The following TDRD9 variants were observed in gnomAD, a reference collection of about 807,000 sequenced individuals.
TDRD9 encodes tudor domain containing 9, also known as ATP-dependent RNA helicase TDRD9.
A neutral mutation model predicts 172.6 loss-of-function variants in TDRD9; 124 were observed. That is an observed-to-expected ratio of 0.72 (90% CI 0.62 to 0.83). The LOEUF (loss-of-function observed/expected upper bound fraction) is 0.83, where lower values mean the gene tolerates loss of function less well. Among genes scored for constraint, TDRD9 ranks in the 40% least tolerant of loss-of-function variants. The pLI, the probability that TDRD9 is intolerant of heterozygous loss-of-function variation, is 0.00. For synonymous variants in TDRD9, 619 were observed against 617.1 expected (o/e 1.00, Z -0.05); for missense variants, 1,479 against 1,714.1 (o/e 0.86, Z 2.42).
chr14:103,961,033 C>T (rs1319268016), intron 2 of TDRD9, among the ~76,000 whole-genome samples: 2 of 152,160 alleles, frequency 1.3e-5, no homozygotes, highest in Non-Finnish European at 2.9e-5. Context: ...ACTTGCCTCT[C>T]CCTTTGTCTG....
intron 32 of TDRD9, 30 bp downstream of exon 32, chr14:104,035,086 T>G: frequency 6.5e-7 from 1 of 1,530,842 alleles, no homozygotes; most frequent in South Asian, 1.2e-5. Flanking sequence ...CTATAGGCTT[T>G]GTAAAATAAG....
chr14:104,041,069 CA>C (rs536375383), intron 33 of TDRD9, among the ~76,000 whole-genome samples: 144 of 152,306 alleles, frequency 9.5e-4, no homozygotes, highest in Middle Eastern at 3.4e-3. Context: ...TTAGAAGTTC[CA>C]TGAGACGGGT....
At chr14:104,049,933 A>G (rs757900796) in intron 35 of TDRD9, 36 of 445,852 alleles carry the variant, frequency 8.1e-5, no homozygotes, top group Non-Finnish European at 1.3e-4. Context: ...AGTTGGGAAA[A>G]AAAGGTATGA....
At chr14:103,981,374 C>T (rs10144271) in intron 7 of TDRD9, among the ~76,000 whole-genome samples, 7,334 of 152,302 alleles carry the variant, frequency 0.048, 336 homozygotes, top group Admixed American at 0.16. Context: ...GGCCTTGCCA[C>T]TTGCTGTCTG....
At position 103,975,526 on chromosome 14, in the gene TDRD9, T is replaced by C; in HGVS notation, c.984T>C (p.Asn328=). 6.2e-7 allele frequency: 1 copy of C among 1,611,098 alleles called. No individual in the cohort carries two copies. Among genetic ancestry groups the C allele is most frequent in the Non-Finnish European group, 8.5e-7 (1 of 1,178,480 alleles). Residue 328 remains asparagine (N), a synonymous_variant, in exon 7 of 36, where the codon AAT becomes AAC. Coordinates refer to ENST00000409874, the MANE Select transcript of TDRD9 (RefSeq NM_153046.3). ...KPHSVEEYYL[N]DLEHIHHSKL... is the part of the protein sequence containing the mutation. ...ATTCAGTTGAAGAGTATTATCTTAATGATTTGGAGCACATTCATCATAGCA... is the reference window on the plus strand; with the variant it reads ...ATTCAGTTGAAGAGTATTATCTTAACGATTTGGAGCACATTCATCATAGCA...
chr14:103,939,585 G>A (rs1001488201), intron 1 of TDRD9, among the ~76,000 whole-genome samples: 1 of 148,856 alleles, frequency 6.7e-6, no homozygotes, highest in Non-Finnish European at 1.5e-5. Flanking sequence ...CAGGTGGGTT[G>A]CATTACGTGA....
chr14:103,964,504 AT>A (rs745734898), intron 3 of TDRD9, among the ~76,000 whole-genome samples: 4 of 151,732 alleles, frequency 2.6e-5, no homozygotes, highest in East Asian at 3.9e-4. Context: ...ACTAGTTACT[AT>A]TTTTTTTGTT....
At chr14:103,934,098 C>T (rs966521603) in intron 1 of TDRD9, among the ~76,000 whole-genome samples, 2 of 151,984 alleles carry the variant, frequency 1.3e-5, no homozygotes, top group African/African-American at 4.8e-5. Context: ...CTCGCTGCAG[C>T]CTTGAACTCC....
chr14:104,038,206 G>C (rs1403778353), intron 32 of TDRD9, among the ~76,000 whole-genome samples: 1 of 152,040 alleles, frequency 6.6e-6, no homozygotes, highest in African/African-American at 2.4e-5. Flanking sequence ...ATGAGAGGGT[G>C]GGGGGATCTT....
chr14:103,984,826 G>C (rs901329205), intron 7 of TDRD9, among the ~76,000 whole-genome samples: 1 of 152,162 alleles, frequency 6.6e-6, no homozygotes, highest in African/African-American at 2.4e-5. Context: ...TTCAATGCCA[G>C]CCCATGAAAG....
chr14:103,963,738 C>G (rs2032613685), intron 3 of TDRD9, among the ~76,000 whole-genome samples: 1 of 152,170 alleles, frequency 6.6e-6, no homozygotes, highest in African/African-American at 2.4e-5. Flanking sequence ...CCTTTATTAA[C>G]TGGAAGAAGG....
At chr14:104,041,313 G>C (rs1308822183) in intron 33 of TDRD9, among the ~76,000 whole-genome samples, 1 of 152,188 alleles carries the variant, frequency 6.6e-6, no homozygotes, top group Non-Finnish European at 1.5e-5. Flanking sequence ...GTGACTTTGG[G>C]TGTGGCATGA....
chr14:104,009,243 A>T (rs2034536402), intron 20 of TDRD9, among the ~76,000 whole-genome samples: 1 of 152,202 alleles, frequency 6.6e-6, no homozygotes, highest in Admixed American at 6.5e-5. Flanking sequence ...TGGTTATAAA[A>T]CAGGGTTTCC....
chr14:103,981,036 C>T lies in TDRD9; in HGVS notation c.1012-5181C>T, dbSNP rs112932274. Reference sequence around the variant, plus strand: ...ACATAATCATATCTAAGATCTATATCTAGTATAACTATTCTTATTTTATAT... The same window carrying T: ...ACATAATCATATCTAAGATCTATATTTAGTATAACTATTCTTATTTTATAT... On this transcript the variant is annotated intron_variant, in intron 7 of 35. Transcript: ENST00000409874. Among the ~76,000 whole-genome samples the T allele has an allele frequency of 2.5e-3, 388 of 152,264 alleles. 3 individuals carry two copies. Among genetic ancestry groups the T allele is most frequent in the African/African-American group, 9.1e-3 (378 of 41,544 alleles).
chr14:104,025,593 C>T lies in TDRD9; in HGVS notation c.2748C>T (p.Tyr916=), dbSNP rs1388822813. The T allele has an allele frequency of 1.2e-6, 2 of 1,613,956 alleles. No individual in the cohort carries two copies. The highest frequency in any genetic ancestry group is 1.1e-5 in the South Asian group (1 of 91,086). ...EVVEVGHFWG[Y]RIDENNSEIL... is the part of the protein sequence containing the mutation. ...TTGAAGTGGGACACTTTTGGGGATACAGGATTGATGAAAACAACTCAGAGA... is the reference window on the plus strand; with the variant it reads ...TTGAAGTGGGACACTTTTGGGGATATAGGATTGATGAAAACAACTCAGAGA... The change falls in exon 26 of 36, where the codon TAC becomes TAT. Residue 916 remains tyrosine, a synonymous_variant. Coordinates refer to ENST00000409874, the MANE Select transcript of TDRD9 (RefSeq NM_153046.3).
At chr14:104,045,297 A>G (rs1265624838) in intron 34 of TDRD9, among the ~76,000 whole-genome samples, 2 of 151,798 alleles carry the variant, frequency 1.3e-5, no homozygotes, top group East Asian at 1.9e-4. Flanking sequence ...TCTGGTGAGT[A>G]TGGTAGTATC....
chr14:103,972,773 T>C (rs2033087258), intron 6 of TDRD9, among the ~76,000 whole-genome samples: 1 of 152,254 alleles, frequency 6.6e-6, no homozygotes, highest in South Asian at 2.1e-4. Context: ...TGGGGAAGCT[T>C]CTGCCTTAGG....
intron 1 of TDRD9, among the ~76,000 whole-genome samples, chr14:103,942,706 C>G (rs564736586): frequency 6.6e-6 from 1 of 152,274 alleles, no homozygotes; most frequent in Admixed American, 6.5e-5. Context: ...ATAGATTAGA[C>G]TTGACTATTT....
intron 5 of TDRD9, among the ~76,000 whole-genome samples, chr14:103,969,497 G>A (rs1318504757): frequency 1.3e-5 from 2 of 152,182 alleles, no homozygotes; most frequent in East Asian, 3.8e-4. Flanking sequence ...TTATGATGAT[G>A]TTAAATACCT....
Sources: allele counts gnomAD v4.1 joint callset (sites outside exome capture counted in the v4.1 genomes callset), GRCh38; gene constraint gnomAD v4.1.1; transcripts MANE v1.5; gene names NCBI Gene and HGNC (gene_info 2026-07-23, HGNC 2026-07-21).